Variants in DPYD observed in about 807,000 individuals in gnomAD.
DPYD encodes the protein dihydropyrimidine dehydrogenase [NADP(+)].
In DPYD, 109 loss-of-function variants were observed where a neutral mutation model predicts 116.2. The observed-to-expected ratio is 0.94, with a 90% CI of 0.80 to 1.10. The LOEUF is 1.10. Among genes scored for constraint, DPYD ranks in the 50% least tolerant of loss-of-function variants. The pLI, the probability that DPYD is intolerant of heterozygous loss-of-function variation, is 0.00. For synonymous variants in DPYD, 440 were observed against 432.0 expected (o/e 1.02, Z -0.23); for missense variants, 1,302 against 1,254.5 (o/e 1.04, Z -0.57).
intron 1 of DPYD, among the ~76,000 whole-genome samples, chr1:97,888,060 G>A (rs1040317665): frequency 2.6e-5 from 4 of 151,990 alleles, no homozygotes; most frequent in South Asian, 2.1e-4. Flanking sequence ...CTTTACAGCA[G>A]CATGAGAACT....
At chr1:97,163,750 A>G (rs1166811451) in intron 20 of DPYD, among the ~76,000 whole-genome samples, 1 of 152,128 alleles carries the variant, frequency 6.6e-6, no homozygotes, top group Non-Finnish European at 1.5e-5. Context: ...ATGAGTTTGG[A>G]GCCCTCATGA....
intron 16 of DPYD, among the ~76,000 whole-genome samples, chr1:97,319,164 TA>T: frequency 7.2e-6 from 1 of 139,738 alleles, no homozygotes; most frequent in African/African-American, 2.7e-5. Flanking sequence ...ACATCACAAT[TA>T]AAAGAACTAG....
chr1:97,733,981 T>C (rs2101054564), intron 4 of DPYD, among the ~76,000 whole-genome samples: 1 of 152,208 alleles, frequency 6.6e-6, no homozygotes, highest in African/African-American at 2.4e-5. Context: ...TGCACTGAGT[T>C]ATCCTTCTCA....
At chr1:97,803,923 G>A (rs1368831456) in intron 3 of DPYD, among the ~76,000 whole-genome samples, 1 of 151,604 alleles carries the variant, frequency 6.6e-6, no homozygotes, top group Non-Finnish European at 1.5e-5. Context: ...TATGTACCTG[G>A]ACTTAAAATA....
intron 13 of DPYD, among the ~76,000 whole-genome samples, chr1:97,511,899 C>T (rs927442906): frequency 3.9e-5 from 6 of 151,906 alleles, no homozygotes; most frequent in African/African-American, 1.4e-4. Context: ...TCTTAAACCA[C>T]AATCTATACA....
intron 18 of DPYD, among the ~76,000 whole-genome samples, chr1:97,275,063 T>C (rs1027895567): frequency 2.6e-5 from 4 of 151,946 alleles, no homozygotes; most frequent in Admixed American, 6.6e-5. Flanking sequence ...GTAGGTACCA[T>C]AGGTATAGAA....
intron 20 of DPYD, among the ~76,000 whole-genome samples, chr1:97,108,742 A>G (rs1236583455): frequency 6.6e-6 from 1 of 152,142 alleles, no homozygotes; most frequent in Non-Finnish European, 1.5e-5. Flanking sequence ...TACAGTTCAT[A>G]ACTAACATTA....
intron 14 of DPYD, among the ~76,000 whole-genome samples, chr1:97,443,211 A>G (rs1675899589): frequency 6.6e-6 from 1 of 152,148 alleles, no homozygotes; most frequent in Non-Finnish European, 1.5e-5. Flanking sequence ...CATATTTTAA[A>G]TTTCCACTAC....
chr1:97,175,182 A>C (rs1042685174), intron 20 of DPYD, among the ~76,000 whole-genome samples: 1 of 149,540 alleles, frequency 6.7e-6, no homozygotes, highest in Non-Finnish European at 1.5e-5. Context: ...AAGCTGCTCA[A>C]TATCTTTGCC....
intron 5 of DPYD, among the ~76,000 whole-genome samples, chr1:97,719,089 C>T (rs1662778489): frequency 7.3e-6 from 1 of 136,636 alleles, no homozygotes; most frequent in Non-Finnish European, 1.5e-5. Context: ...AGGAAGGTGG[C>T]TTTTTCACAC....
chr1:97,903,141 A>C (rs1327341604), intron 1 of DPYD, among the ~76,000 whole-genome samples: 1 of 151,896 alleles, frequency 6.6e-6, no homozygotes, highest in Non-Finnish European at 1.5e-5. Context: ...TACTATTTAC[A>C]CACTTGTTAA....
chr1:97,813,584 G>A (rs1352647294), intron 3 of DPYD, among the ~76,000 whole-genome samples: 1 of 152,088 alleles, frequency 6.6e-6, no homozygotes, highest in Non-Finnish European at 1.5e-5. Context: ...TACCTCTGTG[G>A]TCCAATGACA....
intron 18 of DPYD, among the ~76,000 whole-genome samples, chr1:97,295,089 A>G (rs1264935133): frequency 6.6e-6 from 1 of 152,172 alleles, no homozygotes; most frequent in African/African-American, 2.4e-5. Context: ...CTGAGTATGA[A>G]CCCAGACTAT....
At chr1:97,907,144 C>A (rs1013628331) in intron 1 of DPYD, among the ~76,000 whole-genome samples, 2 of 151,978 alleles carry the variant, frequency 1.3e-5, no homozygotes, top group Admixed American at 1.3e-4. Flanking sequence ...ATCACATTAC[C>A]CAAAATCGTG....
intron 2 of DPYD, among the ~76,000 whole-genome samples, chr1:97,834,798 T>A (rs1340205883): frequency 6.6e-6 from 1 of 151,948 alleles, no homozygotes; most frequent in East Asian, 1.9e-4. Context: ...GTGAACTTAC[T>A]CTTTCTGGAA....
chr1:97,505,679 AAC>A (rs2101944495), intron 13 of DPYD, among the ~76,000 whole-genome samples: 1 of 151,826 alleles, frequency 6.6e-6, no homozygotes, highest in Admixed American at 6.6e-5. Flanking sequence ...CACACACACA[AAC>A]ACACACTCGA....
chr1:97,774,356 C>T (rs1235875255), intron 3 of DPYD, among the ~76,000 whole-genome samples: 1 of 152,168 alleles, frequency 6.6e-6, no homozygotes, highest in Non-Finnish European at 1.5e-5. Context: ...TGGTTAAACA[C>T]CCCAGACTTC....
chr1:97,676,161 T>A (rs1660134211), intron 8 of DPYD, among the ~76,000 whole-genome samples: 1 of 152,178 alleles, frequency 6.6e-6, no homozygotes, highest in Non-Finnish European at 1.5e-5. Flanking sequence ...ATACTAATGA[T>A]GATGCACACC....
rs1207831054 is a variant in DPYD, at chr1:97,265,462, C to G, written c.2300-30468G>C. 3 of 152,172 alleles carry G rather than the reference C, an allele frequency of 2.0e-5. No individual in the cohort carries two copies. In the East Asian group the frequency reaches 5.8e-4, roughly 29 times the overall value. The allele number at this position is 152,172 out of a possible 1,614,324, so 9.4% of individuals were successfully genotyped here. On this transcript the variant is annotated intron_variant, in intron 18 of 22. Coordinates refer to ENST00000370192, the MANE Select transcript of DPYD (RefSeq NM_000110.4). ...AATGCTCTACGCTCAGAATTTAGAACAGCACCTGGCATATGGTAGGCTCTT... is the reference window on the plus strand; with the variant it reads ...AATGCTCTACGCTCAGAATTTAGAAGAGCACCTGGCATATGGTAGGCTCTT...
Sources: gnomAD v4.1 joint callset for allele counts (sites outside exome capture counted in the v4.1 genomes callset) on GRCh38, gnomAD v4.1.1 for gene constraint, MANE v1.5 for transcripts, NCBI Gene and HGNC (gene_info 2026-07-23, HGNC 2026-07-21) for gene names.